The following SMAD5 variants were observed in gnomAD, a reference collection of about 807,000 sequenced individuals.
SMAD5 encodes SMAD family member 5.
A neutral mutation model predicts 43.1 loss-of-function variants in SMAD5; 9 were observed. The ratio of observed to expected loss-of-function variants is 0.21; its 90% CI spans 0.13 to 0.36. The LOEUF (loss-of-function observed/expected upper bound fraction) is 0.36. Ranked by LOEUF, SMAD5 falls within the 10% of genes least tolerant of loss-of-function variation. The probability of loss-of-function intolerance (pLI) is 1.00; values close to 1 mark genes in which losing one functional copy is unlikely to be tolerated. For missense variants in SMAD5, 348 were observed against 574.0 expected (o/e 0.61, Z 4.02); for synonymous variants, 190 against 192.4 (o/e 0.99, Z 0.10).
rs1754551180 is a variant in SMAD5 at position 136,179,621 on chromosome 5, A to G, written c.*2141A>G. 1 of 152,224 alleles carries G rather than the reference A, an allele frequency of 6.6e-6. No individual in the cohort carries two copies. Among genetic ancestry groups the G allele is most frequent in the South Asian group, 2.1e-4 (1 of 4,828 alleles). 9.4% of individuals were successfully genotyped at this position (152,224 alleles called of 1,614,324 possible). On this transcript the variant is annotated 3_prime_UTR_variant, in exon 8 of 8. Coordinates refer to ENST00000545279, the MANE Select transcript of SMAD5 (RefSeq NM_005903.7). Reference sequence around the variant, plus strand: ...TTCAGCTCACAGTTCTTTGCTGGGTAAAAGAAATACTTTCTGACAGTCACC... The same window carrying G: ...TTCAGCTCACAGTTCTTTGCTGGGTGAAAGAAATACTTTCTGACAGTCACC...
chr5:136,154,274 C>T lies in SMAD5; in HGVS notation c.403+111C>T, dbSNP rs1753561677. Reference sequence around the variant, plus strand: ...AAAAGGTTGTATTAGCTTTGTGTTTCCATCTTAAATATTCTAATCTTGGAA... The same window carrying T: ...AAAAGGTTGTATTAGCTTTGTGTTTTCATCTTAAATATTCTAATCTTGGAA... On this transcript the variant is annotated intron_variant, in intron 3 of 7. Transcript: ENST00000545279. The T allele has an allele frequency of 5.9e-6, 4 of 678,904 alleles. No individual in the cohort carries two copies. In the East Asian group the frequency reaches 1.3e-4, roughly 21 times the overall value. The allele number at this position is 678,904 out of a possible 1,614,324, so 42.1% of individuals were successfully genotyped here.
At chr5:136,137,879 C>T (rs950318972) in intron 1 of SMAD5, among the ~76,000 whole-genome samples, 1 of 152,176 alleles carries the variant, frequency 6.6e-6, no homozygotes, top group Non-Finnish European at 1.5e-5. Flanking sequence ...CTCTGGAGAA[C>T]ATCTTCATAA....
At chr5:136,146,503 C>T (rs1426056167) in intron 1 of SMAD5, among the ~76,000 whole-genome samples, 5 of 151,716 alleles carry the variant, frequency 3.3e-5, no homozygotes, top group Non-Finnish European at 7.4e-5. Flanking sequence ...GAAAGAGACT[C>T]AAAATGTTCA....
At chr5:136,164,600 G>T (rs955138419) in intron 5 of SMAD5, among the ~76,000 whole-genome samples, 6 of 152,036 alleles carry the variant, frequency 3.9e-5, no homozygotes, top group African/African-American at 1.4e-4. Flanking sequence ...AGAATTTTTT[G>T]TATATTCTGG....
chr5:136,176,457 CAAA>C (rs60311104), intron 7 of SMAD5, among the ~76,000 whole-genome samples: 84 of 68,490 alleles, frequency 1.2e-3, no homozygotes, highest in African/African-American at 3.3e-3. Context: ...CTCTGTCTCA[CAAA>C]AAAAAAAAAA....
chr5:136,156,426 G>A (rs1446985118), intron 3 of SMAD5, among the ~76,000 whole-genome samples: 1 of 152,190 alleles, frequency 6.6e-6, no homozygotes, highest in East Asian at 1.9e-4. Context: ...GTGGAGATGT[G>A]TGGTAAAAAG....
chr5:136,141,290 G>A (rs984229373), intron 1 of SMAD5, among the ~76,000 whole-genome samples: 3 of 152,182 alleles, frequency 2.0e-5, no homozygotes, highest in Non-Finnish European at 2.9e-5. Context: ...TGCTTCTGGA[G>A]TTTGATTTCA....
intron 2 of SMAD5, 104 bp downstream of exon 2, chr5:136,148,010 C>A (rs1032142858): frequency 5.3e-5 from 8 of 151,624 alleles, no homozygotes; most frequent in African/African-American, 1.9e-4. Context: ...TAAAATGAAA[C>A]CACTGAAAAA....
chr5:136,160,979 C>A lies in SMAD5; in HGVS notation c.527C>A (p.Ser176Tyr). ...CCACAAAATGCCACGTTTCCAGATT[C>A]TTTCCACCAGCCCAACAACACTCCT... ...HMPQNATFPD[S>Y]FHQPNNTPFP... The change falls in exon 4 of 8, where the codon TCT (serine) becomes TAT (tyrosine). Residue 176 changes from serine to tyrosine, a missense_variant. This residue lies in a region of SMAD5 where 185 missense variants were observed against 207.0 expected (regional missense o/e 0.89). Coordinates refer to ENST00000545279, the MANE Select transcript of SMAD5 (RefSeq NM_005903.7). 6.2e-7 allele frequency: 1 copy of A among 1,613,982 alleles called. No individual in the cohort carries two copies. The highest frequency in any genetic ancestry group is 8.5e-7 in the Non-Finnish European group (1 of 1,179,894).
At chr5:136,141,495 G>A (rs548653593) in intron 1 of SMAD5, among the ~76,000 whole-genome samples, 6 of 152,228 alleles carry the variant, frequency 3.9e-5, no homozygotes, top group Non-Finnish European at 5.9e-5. Context: ...ATTCTGTCCC[G>A]TTTGCATTTT....
At position 136,163,319 on chromosome 5, in the gene SMAD5, C is replaced by A; in HGVS notation, c.703C>A (p.Gln235Lys). Residue 235 changes from glutamine to lysine, a missense_variant, in exon 5 of 8, where the codon CAA (glutamine) becomes AAA (lysine). Around this residue, in one of 5 missense-constraint regions of SMAD5, gnomAD observed 185 missense variants for 207.0 expected, o/e 0.89. Transcript: ENST00000545279. ...TATGCCACCTGATGATCAGATGGGT[C>A]AAGATAATTCCCAGCCTATGGATAC... is the stretch of plus-strand genomic sequence containing the variant. ...AYMPPDDQMG[Q>K]DNSQPMDTSN... The A allele has an allele frequency of 1.2e-6, 2 of 1,610,810 alleles. No homozygotes were observed. Among genetic ancestry groups the A allele is most frequent in the Non-Finnish European group, 1.7e-6 (2 of 1,177,602 alleles).
In SMAD5 at chr5:136,177,844, T is replaced by C. The variant is rs1349028333; in HGVS notation, c.*364T>C. On this transcript the variant is annotated 3_prime_UTR_variant, in exon 8 of 8. Coordinates refer to ENST00000545279, the MANE Select transcript of SMAD5 (RefSeq NM_005903.7). ...TTATAGTAGCTTATAAGAGGGCATATACAGTGAAGAGTAAGTTTTCCCTCC... is the reference window on the plus strand; with the variant it reads ...TTATAGTAGCTTATAAGAGGGCATACACAGTGAAGAGTAAGTTTTCCCTCC... The C allele has an allele frequency of 6.2e-6, 1 of 161,728 alleles. No homozygotes were observed. Among genetic ancestry groups the C allele is most frequent in the Non-Finnish European group, 1.3e-5 (1 of 74,342 alleles). 10.0% of individuals were successfully genotyped at this position (161,728 alleles called of 1,614,324 possible).
rs565277517 is a variant in SMAD5, at chr5:136,163,632, A to G, written c.775+241A>G. 3.9e-5 allele frequency among the ~76,000 whole-genome samples: 6 copies of G among 152,254 alleles called. No homozygotes were observed. In the South Asian group the frequency reaches 1.0e-3, roughly 26 times the overall value. ...GTATTTGCAGTCTATCCTCACTCCTATCCTCAGCTCCACATACCCTCTAAT... is the reference window on the plus strand; with the variant it reads ...GTATTTGCAGTCTATCCTCACTCCTGTCCTCAGCTCCACATACCCTCTAAT... On this transcript the variant is annotated intron_variant, in intron 5 of 7. Transcript: ENST00000545279.
chr5:136,134,497 G>A (rs562587432), intron 1 of SMAD5: 23 of 152,342 alleles, frequency 1.5e-4, no homozygotes, highest in African/African-American at 5.3e-4. Context: ...CCTACATTCA[G>A]TGTGACAGTT....
At chr5:136,135,918 T>C (rs1412580323) in intron 1 of SMAD5, among the ~76,000 whole-genome samples, 2 of 152,232 alleles carry the variant, frequency 1.3e-5, no homozygotes, top group Non-Finnish European at 2.9e-5. Context: ...TTTCTTCAAA[T>C]GTTACAAGCA....
intron 1 of SMAD5, among the ~76,000 whole-genome samples, chr5:136,140,060 T>C (rs995885307): frequency 6.6e-6 from 1 of 151,022 alleles, no homozygotes; most frequent in Non-Finnish European, 1.5e-5. Context: ...TCTAGCTTTG[T>C]TGGCCAGGCT....
In SMAD5 at chr5:136,180,205, T is replaced by C. The variant is rs533817406; in HGVS notation, c.*2725T>C. 1 of 152,290 alleles carries C rather than the reference T, an allele frequency of 6.6e-6. No individual in the cohort carries two copies. Among genetic ancestry groups the C allele is most frequent in the South Asian group, 2.1e-4 (1 of 4,826 alleles). 9.4% of individuals were successfully genotyped at this position (152,290 alleles called of 1,614,324 possible). ...ATGTATAGGAGATAAAATTTGCTAG[T>C]AAGATTTTTAAAAACTGGCTAGTGA... On this transcript the variant is annotated 3_prime_UTR_variant, in exon 8 of 8. Coordinates refer to ENST00000545279, the MANE Select transcript of SMAD5 (RefSeq NM_005903.7).
intron 3 of SMAD5, among the ~76,000 whole-genome samples, chr5:136,159,705 AAC>A (rs1210127359): frequency 6.6e-6 from 1 of 152,236 alleles, no homozygotes; most frequent in African/African-American, 2.4e-5. Flanking sequence ...AGCAGTTGTT[AAC>A]ACACAGTAGA....
At chr5:136,154,834 C>T (rs753999824) in intron 3 of SMAD5, among the ~76,000 whole-genome samples, 53 of 152,070 alleles carry the variant, frequency 3.5e-4, no homozygotes, top group Middle Eastern at 3.4e-3. Context: ...TCTTACTGTC[C>T]GCTCAACTGC....
Sources: gnomAD v4.1 joint callset for allele counts (sites outside exome capture counted in the v4.1 genomes callset) on GRCh38, gnomAD v4.1.1 for gene constraint, gnomAD v4.1.1 regional missense constraint, MANE v1.5 for transcripts, NCBI Gene and HGNC (gene_info 2026-07-23, HGNC 2026-07-21) for gene names.